Variants in CADM1 observed in about 807,000 individuals in gnomAD.
CADM1 encodes the protein cell adhesion molecule 1.
CADM1 carries 15 observed loss-of-function variants against 53.1 expected under a neutral mutation model. That is an observed-to-expected ratio of 0.28 (90% CI 0.19 to 0.44). The LOEUF (loss-of-function observed/expected upper bound fraction) is 0.44. Ranked by LOEUF, CADM1 falls within the 20% of genes least tolerant of loss-of-function variation. The pLI, the probability that CADM1 is intolerant of heterozygous loss-of-function variation, is 1.00. For synonymous variants in CADM1, 281 were observed against 243.0 expected (o/e 1.16, Z -1.45); for missense variants, 434 against 611.3 (o/e 0.71, Z 3.06).
At chr11:115,318,011 CACACAAT>C (rs1265103226) in intron 1 of CADM1, among the ~76,000 whole-genome samples, 1 of 146,308 alleles carries the variant, frequency 6.8e-6, no homozygotes, top group East Asian at 2.0e-4. Context: ...CACACACACA[CACACAAT>C]AAAAGTAAAG....
At chr11:115,465,972 C>T (rs1948891569) in intron 1 of CADM1, among the ~76,000 whole-genome samples, 1 of 152,138 alleles carries the variant, frequency 6.6e-6, no homozygotes, top group African/African-American at 2.4e-5. Context: ...AACATGACTT[C>T]CATGTATTCA....
At chr11:115,211,761 T>A (rs1226390443) in intron 7 of CADM1, among the ~76,000 whole-genome samples, 1 of 151,958 alleles carries the variant, frequency 6.6e-6, no homozygotes, top group Non-Finnish European at 1.5e-5. Context: ...AGTGCTGAGA[T>A]TACAGGCGTG....
chr11:115,377,631 T>C (rs1303135110), intron 1 of CADM1: 8 of 152,196 alleles, frequency 5.3e-5, no homozygotes, highest in African/African-American at 1.7e-4. Context: ...TGGGCAACAG[T>C]AATAATTCAT....
At chr11:115,366,142 C>A (rs1946150804) in intron 1 of CADM1, among the ~76,000 whole-genome samples, 1 of 152,194 alleles carries the variant, frequency 6.6e-6, no homozygotes, top group African/African-American at 2.4e-5. Flanking sequence ...ATAGCACTGG[C>A]ATTTTCTATA....
At chr11:115,233,276 A>G (rs894799360) in intron 3 of CADM1, among the ~76,000 whole-genome samples, 1 of 152,226 alleles carries the variant, frequency 6.6e-6, no homozygotes, top group African/African-American at 2.4e-5. Context: ...TAAACATGGC[A>G]AAGAACTACC....
At chr11:115,397,293 C>T (rs1205447461) in intron 1 of CADM1, 1 of 152,072 alleles carries the variant, frequency 6.6e-6, no homozygotes, top group Admixed American at 6.5e-5. Context: ...ATGGGTAATA[C>T]ACAACATTCC....
chr11:115,332,596 T>G (rs183950458), intron 1 of CADM1, among the ~76,000 whole-genome samples: 1 of 152,144 alleles, frequency 6.6e-6, no homozygotes, highest in African/African-American at 2.4e-5. Flanking sequence ...GTATGTAAAG[T>G]TGGAATGGTA....
chr11:115,196,553 T>C (rs1183314561), intron 9 of CADM1, among the ~76,000 whole-genome samples: 1 of 132,682 alleles, frequency 7.5e-6, no homozygotes, highest in African/African-American at 2.8e-5. Flanking sequence ...AGAATTGTCT[T>C]GGGCCACACA....
intron 1 of CADM1, among the ~76,000 whole-genome samples, chr11:115,448,508 A>G (rs760870158): frequency 2.4e-4 from 36 of 152,334 alleles, no homozygotes; most frequent in African/African-American, 6.3e-4. Context: ...AAAATGATCT[A>G]AAGAATCAAA....
intron 1 of CADM1, among the ~76,000 whole-genome samples, chr11:115,411,574 T>C (rs1947460745): frequency 6.6e-6 from 1 of 152,112 alleles, no homozygotes; most frequent in Non-Finnish European, 1.5e-5. Flanking sequence ...CCCTGTAGAG[T>C]CTCTGACTGA....
intron 1 of CADM1, among the ~76,000 whole-genome samples, chr11:115,484,256 T>C (rs1169933721): frequency 6.6e-6 from 1 of 152,346 alleles, no homozygotes; most frequent in Middle Eastern, 3.4e-3. Context: ...TCGTACAGCA[T>C]GCTGAAAACC....
At chr11:115,192,905 C>T (rs1565288634) in intron 9 of CADM1, among the ~76,000 whole-genome samples, 2 of 152,162 alleles carry the variant, frequency 1.3e-5, no homozygotes. Context: ...GAATCTACTG[C>T]TCGGATTACG....
intron 1 of CADM1, among the ~76,000 whole-genome samples, chr11:115,262,204 T>A (rs1466958452): frequency 6.6e-6 from 1 of 152,020 alleles, no homozygotes; most frequent in Non-Finnish European, 1.5e-5. Flanking sequence ...CCAAAGGGAT[T>A]TGAGACCCCT....
chr11:115,430,026 G>C (rs1948003584), intron 1 of CADM1, among the ~76,000 whole-genome samples: 2 of 134,118 alleles, frequency 1.5e-5, no homozygotes, highest in Non-Finnish European at 3.1e-5. Flanking sequence ...CAATCCTATA[G>C]TGCAAATTAA....
chr11:115,324,782 C>T (rs1944917701), intron 1 of CADM1, among the ~76,000 whole-genome samples: 1 of 152,132 alleles, frequency 6.6e-6, no homozygotes, highest in Admixed American at 6.6e-5. Flanking sequence ...TGGCGACAAA[C>T]TCCTTGAAGA....
chr11:115,327,999 C>A (rs976457386), intron 1 of CADM1, among the ~76,000 whole-genome samples: 2 of 151,836 alleles, frequency 1.3e-5, no homozygotes, highest in Non-Finnish European at 2.9e-5. Context: ...TCAGCTCTAC[C>A]GCTCTACAAA....
In CADM1 at chr11:115,197,143, G is replaced by A. The variant is rs1388366359; in HGVS notation, c.1111+1263C>T. On this transcript the variant is annotated intron_variant, in intron 9 of 11. Transcript: ENST00000331581. Reference sequence around the variant, plus strand: ...AGTTCGTTTTGCTTTCTCAGAATTCGTCATAGGAAAGTCAAAAGATGGGGT... The same window carrying A: ...AGTTCGTTTTGCTTTCTCAGAATTCATCATAGGAAAGTCAAAAGATGGGGT... Among the ~76,000 whole-genome samples, 6 of 152,138 alleles carry A rather than the reference G, an allele frequency of 3.9e-5. No individual in the cohort carries two copies. The South Asian group carries it at 8.3e-4, about 21-fold the overall frequency.
At chr11:115,237,857 T>C (rs1942064155) in intron 3 of CADM1, among the ~76,000 whole-genome samples, 1 of 152,188 alleles carries the variant, frequency 6.6e-6, no homozygotes, top group South Asian at 2.1e-4. Flanking sequence ...TGATCATAAA[T>C]GAAGACACTC....
chr11:115,329,440 A>AC (rs969232929), intron 1 of CADM1, among the ~76,000 whole-genome samples: 39 of 151,754 alleles, frequency 2.6e-4, no homozygotes, highest in African/African-American at 9.2e-4. Flanking sequence ...GAGTTCCCTG[A>AC]CCCCCCTCAC....
Sources: allele counts gnomAD v4.1 joint callset (sites outside exome capture counted in the v4.1 genomes callset), GRCh38; gene constraint gnomAD v4.1.1; transcripts MANE v1.5; gene names NCBI Gene and HGNC (gene_info 2026-07-23, HGNC 2026-07-21).